The following BRSK1 variants were observed in gnomAD, a reference collection of about 807,000 sequenced individuals.
The protein encoded by BRSK1 is serine/threonine-protein kinase BRSK1.
Under a neutral mutation model 86.2 loss-of-function variants are expected in BRSK1, and 17 were observed. That is an observed-to-expected ratio of 0.20 (90% confidence interval 0.14 to 0.30). The LOEUF is 0.30. BRSK1 is among the 10% of genes least tolerant of loss of function. BRSK1 has a pLI of 1.00. For synonymous variants in BRSK1, 464 were observed against 440.1 expected (o/e 1.05, Z -0.68); for missense variants, 719 against 1,071.9 (o/e 0.67, Z 4.60).
intron 8 of BRSK1, 193 bp from the exon 9 acceptor site, chr19:55,301,944 G>T: frequency 1.2e-6 from 1 of 832,960 alleles, no homozygotes; most frequent in East Asian, 2.4e-5. Context: ...CCGGTCCGGG[G>T]TACACGGAGA....
Position 55,304,318 on chromosome 19 carries a change from AAGTT to A in BRSK1, c.1347+213_1347+216del, listed in dbSNP as rs2088614803. ...TTGCATGCCTGAAGAGATTTTACAA[AAGTT>A]AGTTGAGTGCCTGCTGTGTACTAGT... is the stretch of plus-strand genomic sequence containing the variant. On this transcript the variant is annotated intron_variant, in intron 13 of 18. Coordinates refer to ENST00000309383, the MANE Select transcript of BRSK1 (RefSeq NM_032430.2). This position sits in a 1 kb window ranked among gnomAD's most constrained non-coding sequence, Gnocchi z 5.2. Among the ~76,000 whole-genome samples the A allele has an allele frequency of 6.6e-6, 1 of 152,054 alleles. No homozygotes were observed. Among genetic ancestry groups the A allele is most frequent in the Admixed American group, 6.6e-5 (1 of 15,258 alleles).
Position 55,297,731 on chromosome 19 carries a change from C to G in BRSK1, c.678+3334C>G, listed in dbSNP as rs140719572. 1.5e-3 allele frequency among the ~76,000 whole-genome samples: 230 copies of G among 152,336 alleles called. 1 individual carries two copies. Among genetic ancestry groups the G allele is most frequent in the African/African-American group, 5.3e-3 (219 of 41,584 alleles). ...CCTCTCCCTGAGCGAGCCAGTCACC[C>G]TACCTCAGTGTCCTCATCTGCACCG... On this transcript the variant is annotated intron_variant, in intron 7 of 18. Coordinates refer to ENST00000309383, the MANE Select transcript of BRSK1 (RefSeq NM_032430.2).
At chr19:55,293,294 G>T (rs777894050) in intron 4 of BRSK1, among the ~76,000 whole-genome samples, 5 of 152,150 alleles carry the variant, frequency 3.3e-5, no homozygotes, top group Non-Finnish European at 7.3e-5. Flanking sequence ...TCACGCCATT[G>T]CACTCCAGCC....
chr19:55,287,077 G>C lies in BRSK1; in HGVS notation c.207G>C (p.Lys69Asn). 6.2e-7 allele frequency: 1 copy of C among 1,613,626 alleles called. No homozygotes were observed. The highest frequency in any genetic ancestry group is 8.5e-7 in the Non-Finnish European group (1 of 1,179,876). Residue 69 changes from lysine (K) to asparagine (N), a missense_variant, in exon 2 of 19, where the codon AAG becomes AAC. Physicochemically the swap from Lys to Asn is moderately conservative, Grantham distance 94. This residue lies in a region of BRSK1 where 71 missense variants were observed against 92.6 expected (regional missense o/e 0.77). Transcript: ENST00000309383. This position sits in a 1 kb window ranked among gnomAD's most constrained non-coding sequence, Gnocchi z 5.3. ...KVAIKIVNRE[K>N]LSESVLMKVE... ...CCATCAAGATCGTGAACCGGGAGAA[G>C]CTGTCGGAGTCGGTGCTGATGAAGG...
chr19:55,299,749 G>A (rs574143969), intron 7 of BRSK1, among the ~76,000 whole-genome samples: 125 of 152,196 alleles, frequency 8.2e-4, no homozygotes, highest in African/African-American at 3.0e-3. Flanking sequence ...CCGTTTCACA[G>A]AGGAGAGGAA....
rs1163269218 is a variant in BRSK1, at chr19:55,287,232, A to C, written c.250A>C (p.Ile84Leu). 1 of 1,613,918 alleles carries C rather than the reference A, an allele frequency of 6.2e-7. No individual in the cohort carries two copies. The change falls in exon 3 of 19, where the codon ATC becomes CTC. Residue 84 changes from isoleucine (I) to leucine (L), a missense_variant. Coordinates refer to ENST00000309383, the MANE Select transcript of BRSK1 (RefSeq NM_032430.2). This position sits in a 1 kb window ranked among gnomAD's most constrained non-coding sequence, Gnocchi z 5.3. ...CCCTCAGGTGGAGCGGGAGATCGCC[A>C]TCCTGAAGCTCATCGAACACCCACA... ...VLMKVEREIAILKLIEHPHVL... is the reference protein window; with the variant it reads ...VLMKVEREIALLKLIEHPHVL...
chr19:55,294,184 C>T lies in BRSK1; in HGVS notation c.576-30C>T, dbSNP rs1355820039. The T allele has an allele frequency of 6.2e-7, 1 of 1,611,886 alleles. No individual in the cohort carries two copies. Among genetic ancestry groups the T allele is most frequent in the South Asian group, 1.1e-5 (1 of 90,908 alleles). ...CCCTGGGCAGGGGTTTAGAAGCTGG[C>T]TGGAGGCTCACATCAGCTCTCTCCC... On this transcript the variant is annotated intron_variant, in intron 5 of 18. Coordinates refer to ENST00000309383, the MANE Select transcript of BRSK1 (RefSeq NM_032430.2). The surrounding 1 kb of genome is among the most constrained non-coding windows in gnomAD (Gnocchi z 4.9).
chr19:55,308,765 T>G (rs1407511921), intron 18 of BRSK1, 37 bp downstream of exon 18: 2 of 203,712 alleles, frequency 9.8e-6, no homozygotes, highest in Non-Finnish European at 1.8e-5. Flanking sequence ...GGGGCGTGGG[T>G]GGCGGGGGCC....
At chr19:55,288,949 G>A (rs879564287) in intron 3 of BRSK1, among the ~76,000 whole-genome samples, 7 of 152,152 alleles carry the variant, frequency 4.6e-5, no homozygotes, top group Admixed American at 4.6e-4. Flanking sequence ...CACAGAAGCT[G>A]GCTTGGACTG....
chr19:55,307,081 C>G (rs566962024), intron 17 of BRSK1, among the ~76,000 whole-genome samples: 41 of 152,184 alleles, frequency 2.7e-4, no homozygotes, highest in Non-Finnish European at 4.7e-4. Flanking sequence ...CTGTTTGGTC[C>G]CTCCATCCTG....
At position 55,304,658 on chromosome 19, in the gene BRSK1, T is replaced by G; in HGVS notation, c.1455T>G (p.Gly485=). ...TQTLPSRGPR[G]GGAGEQPPPP... ...CGCTGCCTTCTCGGGGCCCCAGGGG[T>G]GGGGGCGCCGGGGAGCAGCCCCCGC... Residue 485 remains glycine (G), a synonymous_variant, in exon 14 of 19, where the codon GGT becomes GGG. Coordinates refer to ENST00000309383, the MANE Select transcript of BRSK1 (RefSeq NM_032430.2). The surrounding 1 kb of genome is among the most constrained non-coding windows in gnomAD (Gnocchi z 5.2). The G allele has an allele frequency of 6.7e-7, 1 of 1,503,192 alleles. No individual in the cohort carries two copies. 93.1% of individuals were successfully genotyped at this position (1,503,192 alleles called of 1,614,324 possible).
At position 55,302,113 on chromosome 19, in the gene BRSK1, C is replaced by T. The variant is rs1311573445; in HGVS notation, c.826-24C>T. 10 of 1,614,186 alleles carry T rather than the reference C, an allele frequency of 6.2e-6. No individual in the cohort carries two copies. The highest frequency in any genetic ancestry group is 8.5e-6 in the Non-Finnish European group (10 of 1,179,994). ...TGTGCCTACGACCTCACTTCTGCTT[C>T]TCTACGACTCACCACCCTCACAGCT... On this transcript the variant is annotated intron_variant, in intron 8 of 18. Transcript: ENST00000309383. This position sits in a 1 kb window ranked among gnomAD's most constrained non-coding sequence, Gnocchi z 6.3.
rs1171282124 is a variant in BRSK1, at chr19:55,287,694, T to G, written c.317+395T>G. Among the ~76,000 whole-genome samples the G allele has an allele frequency of 6.6e-6, 1 of 152,232 alleles. No homozygotes were observed. The highest frequency in any genetic ancestry group is 1.9e-4 in the East Asian group (1 of 5,196). On this transcript the variant is annotated intron_variant, in intron 3 of 18. Coordinates refer to ENST00000309383, the MANE Select transcript of BRSK1 (RefSeq NM_032430.2). The surrounding 1 kb of genome is among the most constrained non-coding windows in gnomAD (Gnocchi z 5.3). Reference sequence around the variant, plus strand: ...AAAGGATCTTCCCAAACCCCAACTCTGGAGCACTGGAGAGCCCCCCTCCTC... The same window carrying G: ...AAAGGATCTTCCCAAACCCCAACTCGGGAGCACTGGAGAGCCCCCCTCCTC...
At chr19:55,285,726 A>G (rs543754333) in intron 1 of BRSK1, among the ~76,000 whole-genome samples, 15 of 152,102 alleles carry the variant, frequency 9.9e-5, no homozygotes, top group Admixed American at 5.9e-4. Flanking sequence ...TTCCTGCCGG[A>G]TGGATGGTGG....
At position 55,294,505 on chromosome 19, in the gene BRSK1, T is replaced by G; in HGVS notation, c.678+108T>G. On this transcript the variant is annotated intron_variant, in intron 7 of 18. Transcript: ENST00000309383. The surrounding 1 kb of genome is among the most constrained non-coding windows in gnomAD (Gnocchi z 4.9). ...CATCTCCTGAATTTATTTATGAATT[T>G]TATTTATTTATTTTGAGACAGAGTC... 1.5e-6 allele frequency: 2 copies of G among 1,311,756 alleles called. No individual in the cohort carries two copies. Among genetic ancestry groups the G allele is most frequent in the Non-Finnish European group, 2.1e-6 (2 of 955,782 alleles). 81.3% of individuals were successfully genotyped at this position (1,311,756 alleles called of 1,614,324 possible). A position where few individuals can be genotyped will look rare whatever the true frequency, so the allele number is the denominator to read the frequency against.
chr19:55,300,302 C>T (rs2088551877), intron 7 of BRSK1, among the ~76,000 whole-genome samples: 1 of 152,146 alleles, frequency 6.6e-6, no homozygotes, highest in South Asian at 2.1e-4. Flanking sequence ...TAGGTCAGTT[C>T]ATTCTGATGC....
At chr19:55,298,586 C>T (rs762272543) in intron 7 of BRSK1, among the ~76,000 whole-genome samples, 5 of 152,234 alleles carry the variant, frequency 3.3e-5, no homozygotes, top group Non-Finnish European at 7.3e-5. Flanking sequence ...GGTGCTTTCA[C>T]AGTCATTGGC....
Position 55,305,486 on chromosome 19 carries a change from G to C in BRSK1, c.1790G>C (p.Gly597Ala), listed in dbSNP as rs752650507. The C allele has an allele frequency of 3.1e-6, 5 of 1,614,156 alleles. No homozygotes were observed. Among genetic ancestry groups the C allele is most frequent in the Non-Finnish European group, 4.2e-6 (5 of 1,180,022 alleles). ...SPELAKRSWF[G>A]NFISLDKEEQ... is the part of the protein sequence containing the mutation. ...AGGCTGGCAAAACGCTCCTGGTTCG[G>C]GAACTTCATCTCCTTGGACAAAGAA... The change falls in exon 16 of 19, where the codon GGG becomes GCG. Residue 597 changes from glycine (G) to alanine (A), a missense_variant. By Grantham distance (60) the Gly-to-Ala change is moderately conservative. This residue lies in a region of BRSK1 where 180 missense variants were observed against 259.4 expected (regional missense o/e 0.69). Transcript: ENST00000309383.
At chr19:55,286,083 C>CCTGGAGTGCTGGGTCTGAGGGAGGAGGGG in intron 1 of BRSK1, among the ~76,000 whole-genome samples, 1 of 67,456 alleles carries the variant, frequency 1.5e-5, no homozygotes, top group Non-Finnish European at 2.7e-5. Context: ...GGGCTGGGGG[C>CCTGGAGTGCTGGGTCTGAGGGAGGAGGGG]CTGGAGTGCT....
Sources: gnomAD v4.1 joint callset for allele counts (sites outside exome capture counted in the v4.1 genomes callset) on GRCh38, gnomAD v4.1.1 for gene constraint, gnomAD v4.1.1 regional missense constraint, Gnocchi (gnomAD v3.1) non-coding constraint, MANE v1.5 for transcripts, NCBI Gene and HGNC (gene_info 2026-07-23, HGNC 2026-07-21) for gene names.